The following GNAL variants were observed in gnomAD, a reference collection of about 807,000 sequenced individuals.
GNAL encodes the protein G protein subunit alpha L.
A neutral mutation model predicts 55.1 loss-of-function variants in GNAL; 18 were observed. The ratio of observed to expected loss-of-function variants is 0.33; its 90% CI spans 0.23 to 0.48. The LOEUF (loss-of-function observed/expected upper bound fraction) is 0.48, where lower values mean the gene tolerates loss of function less well. Among genes scored for constraint, GNAL ranks in the 20% least tolerant of loss-of-function variants. GNAL has a pLI of 0.99. For missense variants in GNAL, 412 were observed against 614.1 expected, an observed-to-expected ratio of 0.67 and a Z score of 3.48; for synonymous variants, 253 against 237.0, an observed-to-expected ratio of 1.07 and a Z score of -0.62.
In GNAL at chr18:11,752,594, G is replaced by A. The variant is rs201974536; in HGVS notation, c.377-259G>A. The stretch of plus-strand genomic sequence containing the variant: ...CTGCTCCTGGGTAAGGCCGAGGGGC[G>A]CGCGGCGGCTCCCGGCCCCAGCGGA... On this transcript the variant is annotated intron_variant, in intron 1 of 11. Transcript: ENST00000334049. The surrounding 1 kb of genome is among the most constrained non-coding windows in gnomAD (Gnocchi z 4.5). 1.8e-5 allele frequency: 28 copies of A among 1,582,804 alleles called. No homozygotes were observed. Among genetic ancestry groups the A allele is most frequent in the Non-Finnish European group, 2.3e-5 (27 of 1,168,768 alleles).
At chr18:11,786,436 C>CCTTTTTTT (rs2034059621) in intron 4 of GNAL, among the ~76,000 whole-genome samples, 3 of 60,614 alleles carry the variant, frequency 4.9e-5, no homozygotes, top group African/African-American at 2.1e-4. Flanking sequence ...CATACGTTTT[C>CCTTTTTTT]TTTTTTTTTT....
At chr18:11,732,806 G>T (rs1485416996) in intron 1 of GNAL, among the ~76,000 whole-genome samples, 1 of 152,214 alleles carries the variant, frequency 6.6e-6, no homozygotes, top group Non-Finnish European at 1.5e-5. Context: ...TAAATCAGCA[G>T]AACCCAGTAA....
At chr18:11,700,719 A>C (rs1365208408) in intron 1 of GNAL, among the ~76,000 whole-genome samples, 15 of 152,248 alleles carry the variant, frequency 9.9e-5, no homozygotes, top group Admixed American at 9.8e-4. Flanking sequence ...CTCTAATCCT[A>C]GCAGAAGAGC....
chr18:11,748,836 A>G (rs959866698), intron 1 of GNAL, among the ~76,000 whole-genome samples: 4 of 151,874 alleles, frequency 2.6e-5, no homozygotes, highest in African/African-American at 9.7e-5. Flanking sequence ...AGACACATAC[A>G]TTTTCTGGCC....
intron 4 of GNAL, among the ~76,000 whole-genome samples, chr18:11,805,327 G>C (rs1312473032): frequency 1.3e-5 from 2 of 152,060 alleles, no homozygotes; most frequent in Admixed American, 1.3e-4. Flanking sequence ...ACTGTGTAGT[G>C]GTGAGGTACA....
At chr18:11,839,551 T>G (rs1476679244) in intron 5 of GNAL, among the ~76,000 whole-genome samples, 1 of 9,850 alleles carries the variant, frequency 1.0e-4, no homozygotes, top group Admixed American at 8.5e-4. Context: ...AGACCTTGCC[T>G]CAAAAAAAAA....
At chr18:11,862,487 CT>C (rs1285256500) in intron 6 of GNAL, 38 bp downstream of exon 6, 4 of 1,379,376 alleles carry the variant, frequency 2.9e-6, no homozygotes, top group Non-Finnish European at 4.1e-6. Context: ...ACACCAGAAA[CT>C]TTGAGATTCA....
At chr18:11,755,575 A>G (rs956889472) in intron 4 of GNAL, among the ~76,000 whole-genome samples, 2 of 152,156 alleles carry the variant, frequency 1.3e-5, no homozygotes, top group Non-Finnish European at 2.9e-5. Flanking sequence ...GTGCCCAGCC[A>G]AGAATAACTT....
chr18:11,801,840 G>A (rs12326546), intron 4 of GNAL, among the ~76,000 whole-genome samples: 1,862 of 152,220 alleles, frequency 0.012, 39 homozygotes, highest in African/African-American at 0.04. Flanking sequence ...AAGGCTGCAG[G>A]TGGAGCAGGT....
In GNAL at chr18:11,882,817, T is replaced by TA. The variant is rs2036737785; in HGVS notation, c.*1683dup. On this transcript the variant is annotated 3_prime_UTR_variant, in exon 12 of 12. Coordinates refer to ENST00000334049, the MANE Select transcript of GNAL (RefSeq NM_182978.4). ...TAATCTGAAGTATAAAGTCAAAAGATACGGCTCTTTCTCACACTTGCAAGA... is the reference window on the plus strand; with the variant it reads ...TAATCTGAAGTATAAAGTCAAAAGATAACGGCTCTTTCTCACACTTGCAAGA... 6.6e-6 allele frequency: 1 copy of TA among 152,006 alleles called. No individual in the cohort carries two copies. Among genetic ancestry groups the TA allele is most frequent in the African/African-American group, 2.4e-5 (1 of 41,376 alleles). 9.4% of individuals were successfully genotyped at this position (152,006 alleles called of 1,614,324 possible). A position where few individuals can be genotyped will look rare whatever the true frequency, so the allele number is the denominator to read the frequency against.
intron 4 of GNAL, among the ~76,000 whole-genome samples, chr18:11,815,425 T>G (rs939844364): frequency 2.6e-5 from 4 of 152,044 alleles, no homozygotes; most frequent in African/African-American, 4.8e-5. Flanking sequence ...TCAGGAAACT[T>G]AGAATCATGG....
rs9963621 is a variant in GNAL, at chr18:11,692,192, C to T, written c.376+2253C>T. Among the ~76,000 whole-genome samples, 620 of 152,130 alleles carry T rather than the reference C, an allele frequency of 4.1e-3. 2 individuals are homozygous for T. Among genetic ancestry groups the T allele is most frequent in the African/African-American group, 0.014 (573 of 41,470 alleles). The stretch of plus-strand genomic sequence containing the variant: ...TATTCCATGACTTTAGCAAGATGCC[C>T]GCTTATAAATGAATGCAACTTTCAT... On this transcript the variant is annotated intron_variant, in intron 1 of 11. Coordinates refer to ENST00000334049, the MANE Select transcript of GNAL (RefSeq NM_182978.4).
At chr18:11,794,102 A>G (rs1446786301) in intron 4 of GNAL, among the ~76,000 whole-genome samples, 1 of 152,168 alleles carries the variant, frequency 6.6e-6, no homozygotes, top group African/African-American at 2.4e-5. Flanking sequence ...GAAAATAACA[A>G]GTGTTGGAAA....
chr18:11,697,156 C>T (rs942102225), intron 1 of GNAL, among the ~76,000 whole-genome samples: 2 of 152,244 alleles, frequency 1.3e-5, no homozygotes, highest in African/African-American at 4.8e-5. Context: ...TGTGACTGAG[C>T]CAGGATCAAG....
chr18:11,832,668 G>A (rs2035411168), intron 5 of GNAL, among the ~76,000 whole-genome samples: 1 of 152,088 alleles, frequency 6.6e-6, no homozygotes, highest in African/African-American at 2.4e-5. Context: ...GACCAGCCTG[G>A]CCAACGTGGT....
intron 5 of GNAL, among the ~76,000 whole-genome samples, chr18:11,839,880 G>A (rs2035576818): frequency 6.6e-6 from 1 of 152,168 alleles, no homozygotes. Context: ...CAATATCAAG[G>A]AATGTAATGA....
At chr18:11,852,509 A>G (rs531978625) in intron 5 of GNAL, 2 of 198,086 alleles carry the variant, frequency 1.0e-5, no homozygotes, top group African/African-American at 2.4e-5. Flanking sequence ...ATAAAAGTTA[A>G]AGAGAGGGGA....
chr18:11,726,234 C>T (rs2032208463), intron 1 of GNAL, among the ~76,000 whole-genome samples: 1 of 152,196 alleles, frequency 6.6e-6, no homozygotes, highest in Non-Finnish European at 1.5e-5. Context: ...CCCTTTAGCA[C>T]ATTCCTTTTC....
chr18:11,783,666 AAAG>A (rs1286451940), intron 4 of GNAL, among the ~76,000 whole-genome samples: 2 of 152,238 alleles, frequency 1.3e-5, no homozygotes, highest in Non-Finnish European at 2.9e-5. Context: ...TAAAAAGTAA[AAAG>A]AAATCAGCAA....
Sources: gnomAD v4.1 joint callset for allele counts (sites outside exome capture counted in the v4.1 genomes callset) on GRCh38, gnomAD v4.1.1 for gene constraint, Gnocchi (gnomAD v3.1) non-coding constraint, MANE v1.5 for transcripts, NCBI Gene and HGNC (gene_info 2026-07-23, HGNC 2026-07-21) for gene names.